Variants in PIEZO2 observed in about 807,000 individuals in gnomAD.
PIEZO2 encodes piezo-type mechanosensitive ion channel component 2.
Under a neutral mutation model 337.3 loss-of-function variants are expected in PIEZO2, and 172 were observed. The ratio of observed to expected loss-of-function variants is 0.51; its 90% confidence interval spans 0.45 to 0.58. The LOEUF (loss-of-function observed/expected upper bound fraction) is 0.58, where lower values mean the gene tolerates loss of function less well. Among genes scored for constraint, PIEZO2 ranks in the 20% least tolerant of loss-of-function variants. The pLI is 0.00. For synonymous variants in PIEZO2, 1,251 were observed against 1,228.5 expected, an observed-to-expected ratio of 1.02 and a Z score of -0.38; for missense variants, 3,028 against 3,391.3, an observed-to-expected ratio of 0.89 and a Z score of 2.66.
rs886563483 is a variant in PIEZO2, at chr18:11,149,129, G to C, written c.-541C>G. ...ACGCAGGCTGCCGCGCTCTGGCCTC[G>C]GCCCCGGCTCTCGGAGCTGCCCGGC... On this transcript the variant is annotated 5_prime_UTR_variant, in exon 1 of 56. Transcript: ENST00000674853. This position sits in a 1 kb window ranked among gnomAD's most constrained non-coding sequence, Gnocchi z 8.7. 1.6e-4 allele frequency among the ~76,000 whole-genome samples: 25 copies of C among 152,222 alleles called. No homozygotes were observed. The highest frequency in any genetic ancestry group is 6.0e-4 in the African/African-American group (25 of 41,566).
chr18:11,143,600 AACACACACACACACAC>A lies in PIEZO2; in HGVS notation c.64+4909_64+4924del, dbSNP rs57885955. Among the ~76,000 whole-genome samples, 228 of 106,656 alleles carry A rather than the reference AACACACACACACACAC, an allele frequency of 2.1e-3. No homozygotes were observed. Among genetic ancestry groups the A allele is most frequent in the East Asian group, 7.4e-3 (27 of 3,636 alleles). 70.0% of individuals were successfully genotyped at this position (106,656 alleles called of 152,430 possible). A position where few individuals can be genotyped will look rare whatever the true frequency, so the allele number is the denominator to read the frequency against. On this transcript the variant is annotated intron_variant, in intron 1 of 55. Coordinates refer to ENST00000674853, the MANE Select transcript of PIEZO2 (RefSeq NM_001378183.1). This position sits in a 1 kb window ranked among gnomAD's most constrained non-coding sequence, Gnocchi z 4.9. The stretch of plus-strand genomic sequence containing the variant: ...AAAATCCTGAGAACTAAAAATCTCT[AACACACACACACACAC>A]ACACACACACACACACACACACACT...
At chr18:11,145,490 G>A (rs1449876471) in intron 1 of PIEZO2, among the ~76,000 whole-genome samples, 3 of 152,184 alleles carry the variant, frequency 2.0e-5, no homozygotes, top group African/African-American at 4.8e-5. Context: ...GAGCTTAAAG[G>A]AAAATATGTA....
chr18:10,758,278 G>A (rs1434024376), intron 26 of PIEZO2, 144 bp from the exon 27 acceptor site: 3 of 987,658 alleles, frequency 3.0e-6, no homozygotes, highest in Non-Finnish European at 4.4e-6. Flanking sequence ...ATTCATCCTG[G>A]AGTCCAATGT....
Position 11,077,806 on chromosome 18 carries a change from A to G in PIEZO2, c.65-11584T>C, listed in dbSNP as rs1183201346. ...TAGATACTAACACGTTCAGTTCAACATAAAATAAGGTGGGAATGGCTTACT... is the reference window on the plus strand; with the variant it reads ...TAGATACTAACACGTTCAGTTCAACGTAAAATAAGGTGGGAATGGCTTACT... On this transcript the variant is annotated intron_variant, in intron 1 of 55. Coordinates refer to ENST00000674853, the MANE Select transcript of PIEZO2 (RefSeq NM_001378183.1). The surrounding 1 kb of genome is among the most constrained non-coding windows in gnomAD (Gnocchi z 4.8). Among the ~76,000 whole-genome samples, 1 of 152,214 alleles carries G rather than the reference A, an allele frequency of 6.6e-6. No individual in the cohort carries two copies. Among genetic ancestry groups the G allele is most frequent in the Non-Finnish European group, 1.5e-5 (1 of 68,042 alleles).
chr18:11,142,163 G>A (rs1426844970), intron 1 of PIEZO2, among the ~76,000 whole-genome samples: 1 of 152,132 alleles, frequency 6.6e-6, no homozygotes, highest in African/African-American at 2.4e-5. Flanking sequence ...ATATGCTGCA[G>A]GTGCAATGAA....
In PIEZO2 at chr18:11,028,766, C is replaced by T. The variant is rs1324023352; in HGVS notation, c.160+37361G>A. 6.6e-6 allele frequency among the ~76,000 whole-genome samples: 1 copy of T among 152,254 alleles called. No homozygotes were observed. The highest frequency in any genetic ancestry group is 1.9e-4 in the East Asian group (1 of 5,172). Reference sequence around the variant, plus strand: ...GTCTGAATAATACATGGCCAGCCAGCGTTGGCCATGGTGCTGTGCAGCTCA... The same window carrying T: ...GTCTGAATAATACATGGCCAGCCAGTGTTGGCCATGGTGCTGTGCAGCTCA... On this transcript the variant is annotated intron_variant, in intron 2 of 55. Transcript: ENST00000674853. The surrounding 1 kb of genome is among the most constrained non-coding windows in gnomAD (Gnocchi z 4.8).
At chr18:11,015,543 A>G (rs989641106) in intron 2 of PIEZO2, among the ~76,000 whole-genome samples, 4 of 152,228 alleles carry the variant, frequency 2.6e-5, no homozygotes, top group African/African-American at 9.6e-5. Flanking sequence ...TAAAATATTT[A>G]ACCTGAAAAT....
In PIEZO2 at chr18:10,689,679, C is replaced by A; in HGVS notation, c.7473G>T (p.Leu2491=). 6.2e-7 allele frequency: 1 copy of A among 1,614,254 alleles called. No homozygotes were observed. The highest frequency in any genetic ancestry group is 2.2e-5 in the East Asian group (1 of 44,888). ...CCTTCTCCGACTCCCGCCAACACTT[C>A]AGGATGAATATGTGAGCATAGATGT... The part of the protein sequence containing the change: ...VEDIYAHIFI[L]KCWRESEKRY... Residue 2491 remains leucine, a synonymous_variant, in exon 49 of 56, where the codon CTG becomes CTT. Transcript: ENST00000674853.
intron 3 of PIEZO2, among the ~76,000 whole-genome samples, chr18:10,964,255 T>C (rs1303755315): frequency 6.6e-6 from 1 of 152,040 alleles, no homozygotes; most frequent in Admixed American, 6.6e-5. Flanking sequence ...GAGCAAAAAA[T>C]AGAGTACAAT....
chr18:11,095,502 C>G (rs1013155538), intron 1 of PIEZO2, among the ~76,000 whole-genome samples: 3 of 152,168 alleles, frequency 2.0e-5, no homozygotes, highest in Non-Finnish European at 4.4e-5. Flanking sequence ...GCTCTGCCCC[C>G]ACTGCAGCCC....
chr18:10,885,587 A>T (rs981627053), intron 4 of PIEZO2, among the ~76,000 whole-genome samples: 4 of 152,174 alleles, frequency 2.6e-5, no homozygotes, highest in Non-Finnish European at 5.9e-5. Flanking sequence ...GTTGTCATCT[A>T]GAAATGAGAA....
Position 10,696,506 on chromosome 18 carries a change from G to T in PIEZO2, c.6861C>A (p.Phe2287Leu), listed in dbSNP as rs778361916. The stretch of plus-strand genomic sequence containing the variant: ...ACTCCGGGTGGATGAGGTTGTAAAA[G>T]AACTGTTTGATGGGCACATAGATCT... ...TLEIYVPIKQ[F>L]FYNLIHPEYS... The change falls in exon 46 of 56, where the codon TTC (phenylalanine) becomes TTA (leucine). Residue 2287 changes from phenylalanine to leucine, a missense_variant. Phe to Leu is a conservative substitution (Grantham distance 22). This residue lies in a region of PIEZO2 where 1,925 missense variants were observed against 2,051.9 expected (regional missense o/e 0.94). Coordinates refer to ENST00000674853, the MANE Select transcript of PIEZO2 (RefSeq NM_001378183.1). The T allele has an allele frequency of 1.9e-6, 3 of 1,613,752 alleles. No individual in the cohort carries two copies. The highest frequency in any genetic ancestry group is 3.3e-5 in the Admixed American group (2 of 59,990).
At chr18:11,014,065 C>G (rs2035997137) in intron 2 of PIEZO2, among the ~76,000 whole-genome samples, 1 of 152,252 alleles carries the variant, frequency 6.6e-6, no homozygotes, top group Non-Finnish European at 1.5e-5. Flanking sequence ...CCACCCCGTC[C>G]TCTGGGAAAC....
chr18:10,701,266 G>T (rs141063033), intron 43 of PIEZO2, among the ~76,000 whole-genome samples: 165 of 152,330 alleles, frequency 1.1e-3, no homozygotes, highest in African/African-American at 3.9e-3. Context: ...CTATTTATTA[G>T]AATTAAATGG....
At chr18:11,025,253 C>T (rs976150279) in intron 2 of PIEZO2, among the ~76,000 whole-genome samples, 3 of 152,136 alleles carry the variant, frequency 2.0e-5, no homozygotes, top group Non-Finnish European at 4.4e-5. Context: ...ATATATAACC[C>T]TCTGGAAACA....
chr18:10,968,041 G>A (rs190177579), intron 3 of PIEZO2, among the ~76,000 whole-genome samples: 1 of 151,982 alleles, frequency 6.6e-6, no homozygotes, highest in African/African-American at 2.4e-5. Flanking sequence ...TGGCTAGAAG[G>A]GTTTTTCCAA....
chr18:10,757,215 T>G (rs2037905804), intron 27 of PIEZO2, among the ~76,000 whole-genome samples: 4 of 126,320 alleles, frequency 3.2e-5, no homozygotes, highest in Non-Finnish European at 4.9e-5. Context: ...GGGTGGAGGA[T>G]GAGGATGAGA....
chr18:11,140,114 G>A (rs899129537), intron 1 of PIEZO2, among the ~76,000 whole-genome samples: 3 of 152,178 alleles, frequency 2.0e-5, no homozygotes, highest in Admixed American at 2.0e-4. Flanking sequence ...TGCAATCTCT[G>A]ACCTGCAGAG....
At position 10,724,994 on chromosome 18, in the gene PIEZO2, A is replaced by T; in HGVS notation, c.5029+6413T>A. ...TCCCTGCCTCACATTACTAAGACTC[A>T]AAGCGATGCAGGCCATAGTGCCAGC... On this transcript the variant is annotated intron_variant, in intron 36 of 55. Transcript: ENST00000674853. The surrounding 1 kb of genome is among the most constrained non-coding windows in gnomAD (Gnocchi z 5.8). 6.3e-7 allele frequency: 1 copy of T among 1,585,560 alleles called. No individual in the cohort carries two copies. The highest frequency in any genetic ancestry group is 8.6e-7 in the Non-Finnish European group (1 of 1,158,482).
Sources: allele counts gnomAD v4.1 joint callset (sites outside exome capture counted in the v4.1 genomes callset), GRCh38; gene constraint gnomAD v4.1.1; regional missense constraint gnomAD v4.1.1; non-coding constraint Gnocchi (gnomAD v3.1); transcripts MANE v1.5; gene names NCBI Gene and HGNC (gene_info 2026-07-23, HGNC 2026-07-21).